Variants in CNTNAP5 observed in about 807,000 individuals in gnomAD.
The protein encoded by CNTNAP5 is contactin associated protein family member 5.
A neutral mutation model predicts 150.2 loss-of-function variants in CNTNAP5; 72 were observed. That is an observed-to-expected ratio of 0.48 (90% CI 0.40 to 0.58). CNTNAP5 has a LOEUF of 0.58. Among genes scored for constraint, CNTNAP5 ranks in the 20% least tolerant of loss-of-function variants. CNTNAP5 has a pLI of 0.00. For missense variants in CNTNAP5, 1,636 were observed against 1,626.2 expected, an observed-to-expected ratio of 1.01 and a Z score of -0.10; for synonymous variants, 672 against 619.8, an observed-to-expected ratio of 1.08 and a Z score of -1.25.
intron 19 of CNTNAP5, among the ~76,000 whole-genome samples, chr2:124,836,759 C>T (rs1350824278): frequency 6.6e-6 from 1 of 152,072 alleles, no homozygotes; most frequent in Non-Finnish European, 1.5e-5. Context: ...TAACTATCTT[C>T]GTGAGTGTCA....
At position 124,740,893 on chromosome 2, in the gene CNTNAP5, G is replaced by C. The variant is rs144326251; in HGVS notation, c.2078-6336G>C. ...CAAGGAAGCTCTGGAAGGGCAGGTG[G>C]AAACATGCATGCCTCTTGAGGTCTA... On this transcript the variant is annotated intron_variant, in intron 13 of 23. Transcript: ENST00000682447. Among the ~76,000 whole-genome samples the C allele has an allele frequency of 4.8e-3, 728 of 151,834 alleles. 2 individuals are homozygous for C. The highest frequency in any genetic ancestry group is 9.6e-3 in the Admixed American group (146 of 15,276).
chr2:124,280,761 T>G (rs1320448513), intron 3 of CNTNAP5, among the ~76,000 whole-genome samples: 3 of 151,172 alleles, frequency 2.0e-5, no homozygotes, highest in East Asian at 3.9e-4. Context: ...TGACCCCAGT[T>G]CTCTAAAAAA....
intron 7 of CNTNAP5, among the ~76,000 whole-genome samples, chr2:124,477,750 T>A (rs1489623809): frequency 6.6e-6 from 1 of 150,778 alleles, no homozygotes; most frequent in East Asian, 2.0e-4. Context: ...TTTCAAGAAA[T>A]ATTTCATAAT....
chr2:124,841,504 A>G (rs1012963137), intron 19 of CNTNAP5, among the ~76,000 whole-genome samples: 5 of 151,848 alleles, frequency 3.3e-5, no homozygotes, highest in African/African-American at 1.2e-4. Context: ...ATGGCTAATA[A>G]TTAAGGTCTT....
chr2:124,871,129 T>C (rs962068421), intron 21 of CNTNAP5, among the ~76,000 whole-genome samples: 1 of 152,118 alleles, frequency 6.6e-6, no homozygotes, highest in African/African-American at 2.4e-5. Flanking sequence ...TTTATTAATA[T>C]AGACACTAGT....
intron 8 of CNTNAP5, among the ~76,000 whole-genome samples, chr2:124,519,202 T>C (rs1029854875): frequency 2.6e-5 from 4 of 151,798 alleles, no homozygotes; most frequent in African/African-American, 9.7e-5. Context: ...GATAAGGGGA[T>C]TGGGAGACAG....
chr2:124,085,877 A>G (rs1682676154), intron 1 of CNTNAP5, among the ~76,000 whole-genome samples: 1 of 152,176 alleles, frequency 6.6e-6, no homozygotes, highest in African/African-American at 2.4e-5. Context: ...CTTGATTTCA[A>G]TTATTTTTAA....
At chr2:124,230,650 G>A (rs536055880) in intron 2 of CNTNAP5, among the ~76,000 whole-genome samples, 2 of 151,866 alleles carry the variant, frequency 1.3e-5, no homozygotes, top group South Asian at 4.2e-4. Context: ...TCCTGTCTCA[G>A]CCTCCTGAGT....
chr2:124,067,602 G>T (rs1295375255), intron 1 of CNTNAP5, among the ~76,000 whole-genome samples: 1 of 152,142 alleles, frequency 6.6e-6, no homozygotes, highest in Non-Finnish European at 1.5e-5. Flanking sequence ...AAATTTACAG[G>T]TTCAAGAAAT....
intron 7 of CNTNAP5, among the ~76,000 whole-genome samples, chr2:124,481,250 A>G (rs1328058637): frequency 1.3e-5 from 2 of 151,920 alleles, no homozygotes; most frequent in African/African-American, 4.8e-5. Context: ...TGACCTAATC[A>G]CCTCCTGAAA....
At chr2:124,847,758 T>A (rs1484694097) in intron 19 of CNTNAP5, among the ~76,000 whole-genome samples, 1 of 152,162 alleles carries the variant, frequency 6.6e-6, no homozygotes. Context: ...CTATCTGACA[T>A]CTTAATTCTC....
intron 21 of CNTNAP5, among the ~76,000 whole-genome samples, chr2:124,871,491 C>T (rs977915516): frequency 6.6e-6 from 1 of 152,040 alleles, no homozygotes; most frequent in Non-Finnish European, 1.5e-5. Context: ...TGGCAGGATG[C>T]CAGCTTGAAA....
chr2:124,111,422 GC>G (rs1683297182), intron 1 of CNTNAP5, among the ~76,000 whole-genome samples: 1 of 152,056 alleles, frequency 6.6e-6, no homozygotes, highest in Non-Finnish European at 1.5e-5. Context: ...TTGTAGCTTG[GC>G]ATGACTGATT....
chr2:124,632,266 A>G (rs1677876490), intron 12 of CNTNAP5, among the ~76,000 whole-genome samples: 1 of 152,210 alleles, frequency 6.6e-6, no homozygotes, highest in Admixed American at 6.5e-5. Flanking sequence ...TGTTCAATGC[A>G]GCACTATTCA....
At chr2:124,217,654 G>A (rs1175424043) in intron 1 of CNTNAP5, among the ~76,000 whole-genome samples, 1 of 152,092 alleles carries the variant, frequency 6.6e-6, no homozygotes, top group Non-Finnish European at 1.5e-5. Flanking sequence ...ATGTGAATGA[G>A]CTATTTATGA....
chr2:124,152,819 T>C (rs185001479), intron 1 of CNTNAP5, among the ~76,000 whole-genome samples: 97 of 152,302 alleles, frequency 6.4e-4, no homozygotes, highest in African/African-American at 2.1e-3. Flanking sequence ...TTATAGCATA[T>C]ACTTCTCCGC....
At chr2:124,226,777 G>T (rs896241629) in intron 2 of CNTNAP5, among the ~76,000 whole-genome samples, 4 of 151,964 alleles carry the variant, frequency 2.6e-5, no homozygotes, top group African/African-American at 9.7e-5. Flanking sequence ...GGCAGATTTG[G>T]TCAGGGTCCT....
chr2:124,875,478 A>G (rs1469594768), intron 21 of CNTNAP5, among the ~76,000 whole-genome samples: 1 of 151,960 alleles, frequency 6.6e-6, no homozygotes, highest in African/African-American at 2.4e-5. Context: ...GTAGTTAACC[A>G]TTGTGTGACC....
At chr2:124,554,569 C>A (rs879084884) in intron 10 of CNTNAP5, among the ~76,000 whole-genome samples, 3 of 151,906 alleles carry the variant, frequency 2.0e-5, no homozygotes, top group Admixed American at 1.3e-4. Context: ...TATAGGCGTG[C>A]ACCTCCATAC....
Sources: allele counts gnomAD v4.1 joint callset (sites outside exome capture counted in the v4.1 genomes callset), GRCh38; gene constraint gnomAD v4.1.1; transcripts MANE v1.5; gene names NCBI Gene and HGNC (gene_info 2026-07-23, HGNC 2026-07-21).